Variants in HBS1L observed in about 807,000 individuals in gnomAD.
The protein encoded by HBS1L is HBS1-like protein.
In HBS1L, 55 loss-of-function variants were observed where a neutral mutation model predicts 88.9. The ratio of observed to expected loss-of-function variants is 0.62; its 90% confidence interval spans 0.50 to 0.77. The LOEUF (loss-of-function observed/expected upper bound fraction) is 0.77. Ranked by LOEUF, HBS1L falls within the 30% of genes least tolerant of loss-of-function variation. The probability of loss-of-function intolerance (pLI) is 0.00; values close to 1 mark genes in which losing one functional copy is unlikely to be tolerated. For synonymous variants in HBS1L, 267 were observed against 288.5 expected (o/e 0.93, Z 0.76); for missense variants, 741 against 829.3 (o/e 0.89, Z 1.31).
At chr6:135,006,596 A>G (rs1204292876) in intron 4 of HBS1L, among the ~76,000 whole-genome samples, 1 of 152,220 alleles carries the variant, frequency 6.6e-6, no homozygotes, top group Non-Finnish European at 1.5e-5. Context: ...ATGGAAAGGA[A>G]GGACAGAGCC....
chr6:135,024,779 AAGTT>A (rs1391743588), intron 4 of HBS1L, among the ~76,000 whole-genome samples: 1 of 152,110 alleles, frequency 6.6e-6, no homozygotes, highest in Admixed American at 6.5e-5. Context: ...ATTATTTTAG[AAGTT>A]AGTTCTAATT....
At chr6:135,047,932 G>A (rs571092883) in intron 2 of HBS1L, among the ~76,000 whole-genome samples, 396 of 152,292 alleles carry the variant, frequency 2.6e-3, no homozygotes, top group Non-Finnish European at 4.8e-3. Context: ...AGAAAAATGT[G>A]AAATTGTTTT....
intron 4 of HBS1L, among the ~76,000 whole-genome samples, chr6:135,016,177 T>C (rs750916102): frequency 6.6e-5 from 10 of 152,194 alleles, no homozygotes; most frequent in Non-Finnish European, 7.4e-5. Context: ...GGAGTCACCA[T>C]GCCCAGCCCC....
intron 4 of HBS1L, among the ~76,000 whole-genome samples, chr6:135,011,294 C>T (rs1306373664): frequency 2.0e-5 from 3 of 152,156 alleles, no homozygotes; most frequent in Non-Finnish European, 2.9e-5. Context: ...GTGGGAGGAT[C>T]GCTTAAGGCC....
At chr6:135,000,772 G>T (rs980227242) in intron 5 of HBS1L, among the ~76,000 whole-genome samples, 1 of 151,648 alleles carries the variant, frequency 6.6e-6, no homozygotes, top group Non-Finnish European at 1.5e-5. Flanking sequence ...CCAATGTGTT[G>T]GTATCACAAG....
rs763688566 is a variant in HBS1L, at chr6:135,054,720, C to G, written c.-29G>C. On this transcript the variant is annotated 5_prime_UTR_variant, in exon 1 of 18. Coordinates refer to ENST00000367837, the MANE Select transcript of HBS1L (RefSeq NM_006620.4). ...GGCGGAGAGGGCGTTTGCCACAGCCCCTTAACTCCTTCCAAAACACTCCGC... is the reference window on the plus strand; with the variant it reads ...GGCGGAGAGGGCGTTTGCCACAGCCGCTTAACTCCTTCCAAAACACTCCGC... The G allele has an allele frequency of 6.2e-7, 1 of 1,613,882 alleles. No individual in the cohort carries two copies. Among genetic ancestry groups the G allele is most frequent in the South Asian group, 1.1e-5 (1 of 91,034 alleles).
At chr6:134,985,290 G>T in intron 12 of HBS1L, 51 bp downstream of exon 12, 1 of 1,193,860 alleles carries the variant, frequency 8.4e-7, no homozygotes, top group Non-Finnish European at 1.2e-6. Flanking sequence ...GGTTAGGAGG[G>T]AATGGGGAAA....
At chr6:135,049,013 G>A (rs1001960858) in intron 2 of HBS1L, among the ~76,000 whole-genome samples, 8 of 152,232 alleles carry the variant, frequency 5.3e-5, no homozygotes, top group East Asian at 1.9e-4. Flanking sequence ...GGTCTGCAGA[G>A]GCTAAAAATA....
At chr6:134,973,586 C>T (rs1459016172) in intron 15 of HBS1L, among the ~76,000 whole-genome samples, 3 of 152,222 alleles carry the variant, frequency 2.0e-5, no homozygotes, top group East Asian at 1.9e-4. Flanking sequence ...GAGGCCAAGG[C>T]GGGTGGATCA....
chr6:135,036,175 A>T, intron 4 of HBS1L: 1 of 856,594 alleles, frequency 1.2e-6, no homozygotes, highest in Non-Finnish European at 1.4e-6. Context: ...ACTAAACTAT[A>T]ATAATCCCAA....
intron 4 of HBS1L, chr6:135,036,715 A>G (rs537894741): frequency 6.4e-7 from 1 of 1,551,376 alleles, no homozygotes; most frequent in East Asian, 2.4e-5. Flanking sequence ...ATAGAGGTCA[A>G]GGGTGCGTCG....
chr6:134,996,524 G>GT (rs1355216743), intron 7 of HBS1L, among the ~76,000 whole-genome samples: 1 of 151,798 alleles, frequency 6.6e-6, no homozygotes, highest in Admixed American at 6.6e-5. Flanking sequence ...GATTTTTACT[G>GT]TTGTTTTTCT....
chr6:134,981,170 T>G (rs1377712397), intron 13 of HBS1L, among the ~76,000 whole-genome samples: 1 of 151,926 alleles, frequency 6.6e-6, no homozygotes, highest in African/African-American at 2.4e-5. Context: ...TTTTAATTTA[T>G]GGCTCTTAAT....
intron 3 of HBS1L, among the ~76,000 whole-genome samples, chr6:135,040,646 A>C (rs1007012757): frequency 2.0e-5 from 3 of 151,930 alleles, no homozygotes; most frequent in African/African-American, 7.2e-5. Flanking sequence ...CACCGTGCCC[A>C]GCCGGCATTC....
intron 15 of HBS1L, among the ~76,000 whole-genome samples, chr6:134,977,406 C>T (rs992170389): frequency 1.3e-5 from 2 of 151,926 alleles, no homozygotes; most frequent in African/African-American, 4.8e-5. Context: ...GAGTTCCATT[C>T]GCTCACAACA....
chr6:135,021,611 G>A (rs1776073428), intron 4 of HBS1L, among the ~76,000 whole-genome samples: 1 of 152,088 alleles, frequency 6.6e-6, no homozygotes, highest in African/African-American at 2.4e-5. Context: ...TAATGATAAA[G>A]CTGGTTTCCT....
intron 7 of HBS1L, 98 bp downstream of exon 7, chr6:134,996,679 A>G (rs1775296781): frequency 6.8e-6 from 6 of 884,510 alleles, no homozygotes; most frequent in East Asian, 2.8e-5. Context: ...AATAATCTCT[A>G]AAGTATTTCA....
chr6:135,001,263 T>C (rs1775446893), intron 5 of HBS1L, among the ~76,000 whole-genome samples: 1 of 152,196 alleles, frequency 6.6e-6, no homozygotes. Flanking sequence ...CTGAAAGGCC[T>C]GCATTGTACT....
At chr6:134,976,947 T>C (rs1774665444) in intron 15 of HBS1L, among the ~76,000 whole-genome samples, 1 of 152,018 alleles carries the variant, frequency 6.6e-6, no homozygotes, top group African/African-American at 2.4e-5. Flanking sequence ...AAAAATTACT[T>C]GTACCCAAAA....
Sources: allele counts gnomAD v4.1 joint callset (sites outside exome capture counted in the v4.1 genomes callset), GRCh38; gene constraint gnomAD v4.1.1; transcripts MANE v1.5; gene names NCBI Gene and HGNC (gene_info 2026-07-23, HGNC 2026-07-21).